Variants in TRAP1 observed in about 807,000 individuals in gnomAD.
TRAP1 encodes the protein heat shock protein 75 kDa, mitochondrial.
Under a neutral mutation model 89.1 loss-of-function variants are expected in TRAP1, and 102 were observed. The ratio of observed to expected loss-of-function variants is 1.15; its 90% CI spans 0.98 to 1.35. TRAP1 has a LOEUF of 1.35. TRAP1 is among the 40% of genes most tolerant of loss of function. The pLI is 0.00. For missense variants in TRAP1, 1,256 were observed against 945.3 expected (o/e 1.33, Z -4.31); for synonymous variants, 508 against 388.0 (o/e 1.31, Z -3.64).
At position 3,689,079 on chromosome 16, in the gene TRAP1, G is replaced by A. The variant is rs748628856; in HGVS notation, c.306C>T (p.Ala102=). ...AETKKLLDIV[A]RSLYSEKEVF... Reference sequence around the variant, plus strand: ...CCTCTTTTTCTGAGTACAGGGACCGGGCAACAATGTCCAAAAGCTTCTTTG... The same window carrying A: ...CCTCTTTTTCTGAGTACAGGGACCGAGCAACAATGTCCAAAAGCTTCTTTG... Residue 102 remains alanine (A), a synonymous_variant, in exon 3 of 18, where the codon GCC becomes GCT. Coordinates refer to ENST00000246957, the MANE Select transcript of TRAP1 (RefSeq NM_016292.3). 21 of 1,613,882 alleles carry A rather than the reference G, an allele frequency of 1.3e-5. No individual in the cohort carries two copies. The Admixed American group carries it at 3.3e-4, about 26-fold the overall frequency.
At position 3,663,536 on chromosome 16, in the gene TRAP1, A is replaced by G. The variant is rs1284936782; in HGVS notation, c.1596T>C (p.Asp532=). ...CACGAAGGTGCAGCAGGGTGAGCTCATCAAACTGCTCAAAGCAGAAGAGAA... is the reference window on the plus strand; with the variant it reads ...CACGAAGGTGCAGCAGGGTGAGCTCGTCAAACTGCTCAAAGCAGAAGAGAA... The part of the protein sequence containing the change: ...TEVLFCFEQF[D]ELTLLHLREF... Residue 532 remains aspartate (D), a synonymous_variant, in exon 14 of 18, where the codon GAT becomes GAC. Transcript: ENST00000246957. 1.9e-6 allele frequency: 3 copies of G among 1,614,026 alleles called. No individual in the cohort carries two copies. The highest frequency in any genetic ancestry group is 2.5e-6 in the Non-Finnish European group (3 of 1,180,026).
rs986469676 is a variant in TRAP1 at position 3,694,455 on chromosome 16, T to C, written c.89-3470A>G. On this transcript the variant is annotated intron_variant, in intron 1 of 17. Coordinates refer to ENST00000246957, the MANE Select transcript of TRAP1 (RefSeq NM_016292.3). ...GCCTCCTGGGTTCAGGCGATTCTCC[T>C]GCCTCAGCCTCCCTAGTAGCTGGGA... Among the ~76,000 whole-genome samples the C allele has an allele frequency of 2.0e-5, 3 of 152,210 alleles. No homozygotes were observed. The East Asian group carries it at 5.8e-4, about 29-fold the overall frequency.
At chr16:3,677,296 CCAACCACAT>C (rs1287526222) in intron 6 of TRAP1, among the ~76,000 whole-genome samples, 193 bp downstream of exon 6, 12 of 152,236 alleles carry the variant, frequency 7.9e-5, no homozygotes, top group Non-Finnish European at 1.2e-4. Flanking sequence ...GTGGTGGTGA[CCAACCACAT>C]GGGACCAGAC....
intron 11 of TRAP1, among the ~76,000 whole-genome samples, chr16:3,669,327 A>T (rs984439808): frequency 2.6e-5 from 4 of 152,184 alleles, no homozygotes; most frequent in Non-Finnish European, 4.4e-5. Context: ...GGTCAGCACA[A>T]CTGCTGCCCT....
intron 1 of TRAP1, among the ~76,000 whole-genome samples, chr16:3,712,906 G>C (rs776332041): frequency 6.6e-6 from 1 of 152,132 alleles, no homozygotes; most frequent in Admixed American, 6.6e-5. Flanking sequence ...GAGAGCCACC[G>C]CGCCCGGCCT....
intron 1 of TRAP1, among the ~76,000 whole-genome samples, chr16:3,698,392 G>A (rs1308339027): frequency 6.6e-6 from 1 of 150,932 alleles, no homozygotes; most frequent in Non-Finnish European, 1.5e-5. Flanking sequence ...CTCACTGCAA[G>A]CTCCGCCTCC....
intron 9 of TRAP1, among the ~76,000 whole-genome samples, chr16:3,673,627 C>A (rs988521853): frequency 4.6e-5 from 7 of 152,122 alleles, no homozygotes; most frequent in Admixed American, 6.5e-5. Flanking sequence ...CTGGGTGGGG[C>A]CTGAGACTCT....
intron 4 of TRAP1, among the ~76,000 whole-genome samples, chr16:3,683,898 G>A (rs1015426659): frequency 6.6e-6 from 1 of 152,112 alleles, no homozygotes; most frequent in Non-Finnish European, 1.5e-5. Flanking sequence ...AGGCGCGGTG[G>A]CTCCCGCCTG....
At chr16:3,680,927 G>C (rs1180463307) in intron 4 of TRAP1, among the ~76,000 whole-genome samples, 1 of 152,162 alleles carries the variant, frequency 6.6e-6, no homozygotes, top group Non-Finnish European at 1.5e-5. Flanking sequence ...AGAACTGTAA[G>C]CAATAGGGTT....
intron 1 of TRAP1, 128 bp from the exon 2 acceptor site, chr16:3,691,113 G>C (rs2051208742): frequency 1.1e-6 from 1 of 908,882 alleles, no homozygotes; most frequent in Non-Finnish European, 1.5e-6. Flanking sequence ...GTTGCTGAAA[G>C]AGAAATCCAC....
chr16:3,713,861 TG>T (rs2051563531), intron 1 of TRAP1, among the ~76,000 whole-genome samples: 1 of 152,226 alleles, frequency 6.6e-6, no homozygotes, highest in Admixed American at 6.5e-5. Context: ...GCCACGTGGC[TG>T]GGCTCCCCAC....
chr16:3,669,959 A>G (rs2050889687), intron 11 of TRAP1, among the ~76,000 whole-genome samples: 2 of 152,082 alleles, frequency 1.3e-5, no homozygotes, highest in Admixed American at 6.6e-5. Flanking sequence ...TCAGTAAACT[A>G]TGGTACATCC....
Position 3,686,088 on chromosome 16 carries a change from G to T in TRAP1, c.379C>A (p.Leu127Met). The change falls in exon 4 of 18, where the codon CTG (leucine) becomes ATG (methionine). Residue 127 changes from leucine (L) to methionine (M), a missense_variant. Leu to Met is a conservative substitution (Grantham distance 15, BLOSUM62 2). Transcript: ENST00000246957. The part of the protein sequence containing the change: ...ISNASDALEK[L>M]RHKLVSDGQA... Reference sequence around the variant, plus strand: ...CCGTCAGACACCAGTTTGTGACGCAGTTTTTCCAAGGCATCGCTGGCATTG... The same window carrying T: ...CCGTCAGACACCAGTTTGTGACGCATTTTTTCCAAGGCATCGCTGGCATTG... 1 of 1,614,162 alleles carries T rather than the reference G, an allele frequency of 6.2e-7. No homozygotes were observed. The highest frequency in any genetic ancestry group is 8.5e-7 in the Non-Finnish European group (1 of 1,180,024).
intron 1 of TRAP1, among the ~76,000 whole-genome samples, chr16:3,707,040 A>T (rs1447865689): frequency 6.6e-6 from 1 of 151,764 alleles, no homozygotes; most frequent in Non-Finnish European, 1.5e-5. Flanking sequence ...ATTTTGTATC[A>T]CCTGTTTTTT....
chr16:3,672,351 G>A (rs1247454410), intron 10 of TRAP1, among the ~76,000 whole-genome samples: 2 of 152,110 alleles, frequency 1.3e-5, no homozygotes, highest in African/African-American at 4.8e-5. Flanking sequence ...AACTCTATCA[G>A]GGATGGTTCG....
Position 3,679,877 on chromosome 16 carries a change from G to A in TRAP1, c.472-87C>T, listed in dbSNP as rs933618022. ...CAGCAGTCCCAGGGACTCAAGTGGT[G>A]TCAATGACATTGGCCAGACAGGGCC... On this transcript the variant is annotated intron_variant, in intron 4 of 17. Transcript: ENST00000246957. 142 of 1,348,208 alleles carry A rather than the reference G, an allele frequency of 1.1e-4. 1 individual carries two copies. Among genetic ancestry groups the A allele is most frequent in the Non-Finnish European group, 1.3e-4 (121 of 950,714 alleles). The allele number at this position is 1,348,208 out of a possible 1,614,324, so 83.5% of individuals were successfully genotyped here.
chr16:3,661,773 C>G, intron 16 of TRAP1: 1 of 484,406 alleles, frequency 2.1e-6, no homozygotes, highest in East Asian at 3.5e-5. Flanking sequence ...TGGGATGTGG[C>G]TAACCTCCCA....
intron 1 of TRAP1, among the ~76,000 whole-genome samples, chr16:3,705,591 G>A (rs2051431724): frequency 2.0e-5 from 3 of 152,164 alleles, no homozygotes; most frequent in Admixed American, 1.3e-4. Flanking sequence ...CATATAGCAT[G>A]TATCAGCACC....
At chr16:3,715,886 G>C (rs2051591985) in intron 1 of TRAP1, among the ~76,000 whole-genome samples, 2 of 152,210 alleles carry the variant, frequency 1.3e-5, no homozygotes, top group African/African-American at 4.8e-5. Context: ...TTGTTGAGAT[G>C]AAGTCTCACT....
Sources: gnomAD v4.1 joint callset for allele counts (sites outside exome capture counted in the v4.1 genomes callset) on GRCh38, gnomAD v4.1.1 for gene constraint, MANE v1.5 for transcripts, NCBI Gene and HGNC (gene_info 2026-07-23, HGNC 2026-07-21) for gene names.